ZNF362: variants seen among roughly 807,000 people sequenced by gnomAD.
The protein encoded by ZNF362 is rotund homolog.
Under a neutral mutation model 42.9 loss-of-function variants are expected in ZNF362, and 11 were observed. That is an observed-to-expected ratio of 0.26 (90% CI 0.16 to 0.42). The LOEUF (loss-of-function observed/expected upper bound fraction) is 0.42, where lower values mean the gene tolerates loss of function less well. ZNF362 is among the 20% of genes least tolerant of loss of function. The probability of loss-of-function intolerance (pLI) is 1.00; values close to 1 mark genes in which losing one functional copy is unlikely to be tolerated. For missense variants in ZNF362, 362 were observed against 576.2 expected, an observed-to-expected ratio of 0.63 and a Z score of 3.81; for synonymous variants, 255 against 257.3, an observed-to-expected ratio of 0.99 and a Z score of 0.09.
At chr1:33,295,806 AC>A (rs1195803682) in intron 8 of ZNF362, among the ~76,000 whole-genome samples, 1 of 151,928 alleles carries the variant, frequency 6.6e-6, no homozygotes, top group Non-Finnish European at 1.5e-5. Flanking sequence ...AATACCATTC[AC>A]CCCCAGGCGA....
At chr1:33,188,257 T>C in the ZNF362 span, among the ~76,000 whole-genome samples, 1 of 148,006 alleles carries the variant, frequency 6.8e-6, no homozygotes, top group Non-Finnish European at 1.5e-5. Flanking sequence ...CAAACAAACA[T>C]GTAAGGACAG....
At chr1:33,276,207 G>A (rs1346404202) in intron 3 of ZNF362, 44 bp downstream of exon 3, 15 of 1,607,762 alleles carry the variant, frequency 9.3e-6, no homozygotes, top group African/African-American at 1.3e-5. Flanking sequence ...CCTCCTTGGC[G>A]CTGCTTCGCT....
In ZNF362 at chr1:33,299,017, G is replaced by T. The variant is rs35620942; in HGVS notation, c.1234G>T (p.Gly412Cys). 3.1e-6 allele frequency: 5 copies of T among 1,611,484 alleles called. No homozygotes were observed. Among genetic ancestry groups the T allele is most frequent in the East Asian group, 2.2e-5 (1 of 44,880 alleles). Residue 412 changes from glycine to cysteine, a missense_variant, in exon 9 of 9, where the codon GGC (glycine) becomes TGC (cysteine). This residue lies in a region of ZNF362 where 68 missense variants were observed against 107.4 expected (regional missense o/e 0.63). Coordinates refer to ENST00000539719, the MANE Select transcript of ZNF362 (RefSeq NM_152493.3). ...HHSPQRTESP[G>C]IPVRISLI ...CTCGCCCCAGAGGACGGAGTCCCCCGGCATCCCGGTGCGAATCTCTCTCAT... is the reference window on the plus strand; with the variant it reads ...CTCGCCCCAGAGGACGGAGTCCCCCTGCATCCCGGTGCGAATCTCTCTCAT...
At chr1:33,250,944 A>T in the ZNF362 span, among the ~76,000 whole-genome samples, 1 of 151,742 alleles carries the variant, frequency 6.6e-6, no homozygotes, top group Non-Finnish European at 1.5e-5. Context: ...TTTAGTTCTG[A>T]TCGGAGGTAC....
At chr1:33,137,292 C>G in the ZNF362 span, among the ~76,000 whole-genome samples, 2 of 152,190 alleles carry the variant, frequency 1.3e-5, no homozygotes, top group Non-Finnish European at 1.5e-5. Context: ...AGAAAGTCAT[C>G]TTAACTCTCT....
At chr1:33,150,275 A>G in the ZNF362 span, among the ~76,000 whole-genome samples, 28,757 of 152,082 alleles carry the variant, frequency 0.19, 3,167 homozygotes, top group South Asian at 0.3. Flanking sequence ...GGACATGGTT[A>G]TGCTTGGCTG....
the ZNF362 span, among the ~76,000 whole-genome samples, chr1:33,179,063 C>T: frequency 3.9e-5 from 6 of 152,246 alleles, no homozygotes; most frequent in Non-Finnish European, 7.3e-5. Flanking sequence ...GGGCAAGTCA[C>T]ATAACTTCTC....
At chr1:33,180,759 A>AGT in the ZNF362 span, among the ~76,000 whole-genome samples, 1 of 151,680 alleles carries the variant, frequency 6.6e-6, no homozygotes, top group African/African-American at 2.4e-5. Context: ...CTTCTCCCTA[A>AGT]CCGCGGACCA....
chr1:33,175,951 A>G, the ZNF362 span, among the ~76,000 whole-genome samples: 2 of 152,200 alleles, frequency 1.3e-5, no homozygotes, highest in African/African-American at 4.8e-5. Context: ...TGTTGGCCCT[A>G]AGCTTCTACA....
At chr1:33,182,104 A>T in the ZNF362 span, 2 of 151,872 alleles carry the variant, frequency 1.3e-5, no homozygotes, top group Non-Finnish European at 2.9e-5. Flanking sequence ...CGTGGGCGGG[A>T]CCCAAGCAAC....
chr1:33,160,348 G>A, the ZNF362 span, among the ~76,000 whole-genome samples: 2 of 152,038 alleles, frequency 1.3e-5, no homozygotes. Context: ...AGGGCTAGGG[G>A]ACAGGGTGAA....
the ZNF362 span, among the ~76,000 whole-genome samples, chr1:33,227,137 T>C: frequency 6.6e-6 from 1 of 152,312 alleles, no homozygotes; most frequent in East Asian, 1.9e-4. Flanking sequence ...TCTGTAAATA[T>C]ACTAAAATTC....
the ZNF362 span, among the ~76,000 whole-genome samples, chr1:33,131,434 C>T: frequency 6.6e-6 from 1 of 152,144 alleles, no homozygotes; most frequent in African/African-American, 2.4e-5. Flanking sequence ...TGTTAGCCAC[C>T]GGCTTCCTGT....
chr1:33,177,041 ACACACACACG>A, the ZNF362 span, among the ~76,000 whole-genome samples: 1 of 58,360 alleles, frequency 1.7e-5, no homozygotes, highest in Non-Finnish European at 3.4e-5. This position sits in a 1 kb window ranked among gnomAD's most constrained non-coding sequence, Gnocchi z 4.1. Flanking sequence ...ATACACATGC[ACACACACACG>A]CACACACACA....
At chr1:33,212,754 G>A in the ZNF362 span, among the ~76,000 whole-genome samples, 1 of 152,132 alleles carries the variant, frequency 6.6e-6, no homozygotes, top group African/African-American at 2.4e-5. Context: ...CCATTCATGA[G>A]GGATACTCCC....
chr1:33,257,510 AT>A (rs1212231761), intron 1 of ZNF362, among the ~76,000 whole-genome samples: 2 of 147,812 alleles, frequency 1.4e-5, no homozygotes, highest in African/African-American at 2.5e-5. Flanking sequence ...CCTTTGCAGG[AT>A]TTTTGGGAAA....
At position 33,280,914 on chromosome 1, in the gene ZNF362, C is replaced by G. The variant is rs146115149; in HGVS notation, c.683+457C>G. 3.1e-3 allele frequency among the ~76,000 whole-genome samples: 474 copies of G among 152,236 alleles called. 1 individual carries two copies. Among genetic ancestry groups the G allele is most frequent in the African/African-American group, 0.011 (461 of 41,544 alleles). On this transcript the variant is annotated intron_variant, in intron 5 of 8. Coordinates refer to ENST00000539719, the MANE Select transcript of ZNF362 (RefSeq NM_152493.3). The surrounding 1 kb of genome is among the most constrained non-coding windows in gnomAD (Gnocchi z 5.6). ...TGAAACCTCGTCTCTACAAAAAATA[C>G]AAAAGTTAGCCGGGCATGGTGGTGC...
chr1:33,265,877 C>A (rs1454270020), intron 1 of ZNF362, among the ~76,000 whole-genome samples: 1 of 152,204 alleles, frequency 6.6e-6, no homozygotes, highest in South Asian at 2.1e-4. Context: ...CCAGCCACCC[C>A]ACCCTTCTTC....
At chr1:33,180,953 T>TGGGGGG in the ZNF362 span, 2 of 724,328 alleles carry the variant, frequency 2.8e-6, no homozygotes, top group Non-Finnish European at 3.9e-6. Context: ...GGTCCAGCCC[T>TGGGGGG]GACCCCACCC....
Sources: gnomAD v4.1 joint callset for allele counts (sites outside exome capture counted in the v4.1 genomes callset) on GRCh38, gnomAD v4.1.1 for gene constraint, gnomAD v4.1.1 regional missense constraint, Gnocchi (gnomAD v3.1) non-coding constraint, MANE v1.5 for transcripts, NCBI Gene and HGNC (gene_info 2026-07-23, HGNC 2026-07-21) for gene names.